SHISA9: variants seen among roughly 807,000 people sequenced by gnomAD.
The protein encoded by SHISA9 is shisa family member 9.
In SHISA9, 13 loss-of-function variants were observed where a neutral mutation model predicts 38.0. The ratio of observed to expected loss-of-function variants is 0.34; its 90% CI spans 0.22 to 0.54. The LOEUF (loss-of-function observed/expected upper bound fraction) is 0.54. SHISA9 is among the 20% of genes least tolerant of loss of function. The probability of loss-of-function intolerance (pLI) is 0.91; values close to 1 mark genes in which losing one functional copy is unlikely to be tolerated. For missense variants in SHISA9, 538 were observed against 575.8 expected, an observed-to-expected ratio of 0.93 and a Z score of 0.67; for synonymous variants, 275 against 242.0, an observed-to-expected ratio of 1.14 and a Z score of -1.27.
At chr16:13,176,998 T>G (rs2050737124) in intron 2 of SHISA9, among the ~76,000 whole-genome samples, 1 of 152,160 alleles carries the variant, frequency 6.6e-6, no homozygotes, top group Non-Finnish European at 1.5e-5. Context: ...CTTTGAGGGC[T>G]CAGAGCTGGG....
the SHISA9 span, among the ~76,000 whole-genome samples, chr16:13,472,907 C>A: frequency 6.6e-6 from 1 of 152,142 alleles, no homozygotes; most frequent in Non-Finnish European, 1.5e-5. Flanking sequence ...ATCTTGAATA[C>A]AGTTATAATA....
the SHISA9 span, among the ~76,000 whole-genome samples, chr16:13,509,423 A>G: frequency 6.6e-6 from 1 of 152,312 alleles, no homozygotes; most frequent in African/African-American, 2.4e-5. Flanking sequence ...ATGAACCTGA[A>G]TAAGGCAGAC....
chr16:13,446,089 C>A, the SHISA9 span, among the ~76,000 whole-genome samples: 96 of 151,874 alleles, frequency 6.3e-4, no homozygotes, highest in African/African-American at 2.2e-3. Flanking sequence ...ACTACAGGTG[C>A]CCGCCACCAT....
intron 2 of SHISA9, among the ~76,000 whole-genome samples, chr16:13,184,065 C>T (rs945055158): frequency 7.9e-5 from 12 of 152,054 alleles, no homozygotes; most frequent in African/African-American, 2.4e-4. Context: ...GCAGTTTTTC[C>T]TAAGCACCCT....
chr16:13,375,159 G>A, the SHISA9 span, among the ~76,000 whole-genome samples: 1 of 152,164 alleles, frequency 6.6e-6, no homozygotes, highest in African/African-American at 2.4e-5. Context: ...TTGCTGTGCA[G>A]AAGCTCTTTA....
At chr16:13,294,927 T>C in the SHISA9 span, among the ~76,000 whole-genome samples, 911 of 152,310 alleles carry the variant, frequency 6.0e-3, 9 homozygotes, top group Non-Finnish European at 7.9e-3. Flanking sequence ...CATTTACATG[T>C]GGGAGGCACT....
rs114141040 is a variant in SHISA9 at position 13,079,145 on chromosome 16, C to T, written c.692-124249C>T. On this transcript the variant is annotated intron_variant, in intron 2 of 4. Transcript: ENST00000558583. ...ATGGCATGGAACCTATGTGAAATGCCGAGCACAGCCCTTGGCACGTAGAAG... is the reference window on the plus strand; with the variant it reads ...ATGGCATGGAACCTATGTGAAATGCTGAGCACAGCCCTTGGCACGTAGAAG... Among the ~76,000 whole-genome samples, 705 of 152,196 alleles carry T rather than the reference C, an allele frequency of 4.6e-3. 5 individuals carry two copies. Among genetic ancestry groups the T allele is most frequent in the African/African-American group, 0.016 (665 of 41,538 alleles).
the SHISA9 span, among the ~76,000 whole-genome samples, chr16:13,397,505 G>T: frequency 6.6e-6 from 1 of 152,158 alleles, no homozygotes; most frequent in Non-Finnish European, 1.5e-5. Context: ...TGCAATCTTG[G>T]CTTACTGCAA....
chr16:13,138,569 A>C (rs538787418), intron 2 of SHISA9, among the ~76,000 whole-genome samples: 2 of 152,282 alleles, frequency 1.3e-5, no homozygotes, highest in African/African-American at 4.8e-5. Context: ...CTTAGACTCC[A>C]CGAACTACCC....
the SHISA9 span, among the ~76,000 whole-genome samples, chr16:13,541,403 A>C: frequency 6.6e-6 from 1 of 152,190 alleles, no homozygotes; most frequent in Admixed American, 6.5e-5. Context: ...TAGCCCCACA[A>C]AATGTGCACC....
At chr16:13,330,607 C>T in the SHISA9 span, among the ~76,000 whole-genome samples, 2 of 152,172 alleles carry the variant, frequency 1.3e-5, no homozygotes, top group African/African-American at 4.8e-5. Flanking sequence ...TTTTGCTTTC[C>T]TCACTTACTG....
At chr16:13,496,550 G>A in the SHISA9 span, among the ~76,000 whole-genome samples, 2 of 151,642 alleles carry the variant, frequency 1.3e-5, no homozygotes, top group African/African-American at 4.8e-5. Context: ...GGATTTTCTA[G>A]TAAATCCAAT....
intron 2 of SHISA9, among the ~76,000 whole-genome samples, chr16:13,189,506 G>A (rs2050861948): frequency 6.6e-6 from 1 of 152,210 alleles, no homozygotes; most frequent in African/African-American, 2.4e-5. Context: ...TTGTAAAATA[G>A]AATTGTTATA....
intron 2 of SHISA9, among the ~76,000 whole-genome samples, chr16:13,179,680 T>A (rs879366516): frequency 6.6e-6 from 1 of 152,184 alleles, no homozygotes; most frequent in African/African-American, 2.4e-5. Flanking sequence ...AGGCAAAGGT[T>A]CTCTCCAATT....
the SHISA9 span, among the ~76,000 whole-genome samples, chr16:13,283,802 A>G: frequency 6.6e-6 from 1 of 152,076 alleles, no homozygotes; most frequent in Non-Finnish European, 1.5e-5. Flanking sequence ...TGATGTGTTA[A>G]CAAGATCTCT....
At chr16:13,156,058 T>C (rs2050544114) in intron 2 of SHISA9, among the ~76,000 whole-genome samples, 1 of 152,194 alleles carries the variant, frequency 6.6e-6, no homozygotes, top group South Asian at 2.1e-4. Flanking sequence ...GTTTCTTAAG[T>C]GGATGGTATT....
chr16:13,417,793 T>C, the SHISA9 span, among the ~76,000 whole-genome samples: 1 of 152,158 alleles, frequency 6.6e-6, no homozygotes, highest in Admixed American at 6.6e-5. Flanking sequence ...GTGGAGACAA[T>C]GGGCAGGTTA....
chr16:13,197,226 C>G (rs988695756), intron 2 of SHISA9, among the ~76,000 whole-genome samples: 3 of 152,060 alleles, frequency 2.0e-5, no homozygotes, highest in Middle Eastern at 3.4e-3. Flanking sequence ...ACGGTGTGTG[C>G]TCGACAAAAC....
chr16:13,073,981 T>G (rs969352815), intron 2 of SHISA9, among the ~76,000 whole-genome samples: 10 of 140,122 alleles, frequency 7.1e-5, no homozygotes, highest in Middle Eastern at 3.3e-3. Context: ...TTTTTTTTTT[T>G]GTGGGGGGTG....
Sources: gnomAD v4.1 joint callset for allele counts (sites outside exome capture counted in the v4.1 genomes callset) on GRCh38, gnomAD v4.1.1 for gene constraint, MANE v1.5 for transcripts, NCBI Gene and HGNC (gene_info 2026-07-23, HGNC 2026-07-21) for gene names.